The following MAN2C1 variants were observed in gnomAD, a reference collection of about 807,000 sequenced individuals.
MAN2C1 encodes mannosidase alpha class 2C member 1.
A neutral mutation model predicts 126.9 loss-of-function variants in MAN2C1; 111 were observed. The observed-to-expected ratio is 0.87, with a 90% CI of 0.75 to 1.02. The LOEUF (loss-of-function observed/expected upper bound fraction) is 1.02, where lower values mean the gene tolerates loss of function less well. Among genes scored for constraint, MAN2C1 ranks in the 50% least tolerant of loss-of-function variants. MAN2C1 has a pLI of 0.00. For synonymous variants in MAN2C1, 567 were observed against 561.5 expected, an observed-to-expected ratio of 1.01 and a Z score of -0.14; for missense variants, 1,363 against 1,364.4, an observed-to-expected ratio of 1.00 and a Z score of 0.02.
chr15:75,364,530 G>A lies in MAN2C1; in HGVS notation c.558C>T (p.His186=), dbSNP rs200173374. Residue 186 remains histidine (H), a synonymous_variant, in exon 5 of 26, where the codon CAC becomes CAT. Transcript: ENST00000267978. ...GCAGCTCCAGATCCACCAGGAGCAT[G>A]TGGACATCCCGGTGGAACACAGCTA... ...AELAVFHRDV[H]MLLVDLELLL... 1.0e-5 allele frequency: 16 copies of A among 1,606,204 alleles called. No individual in the cohort carries two copies. The highest frequency in any genetic ancestry group is 1.4e-5 in the Non-Finnish European group (16 of 1,176,230).
At position 75,356,831 on chromosome 15, in the gene MAN2C1, A is replaced by G. The variant is rs1413476365; in HGVS notation, c.2619T>C (p.Tyr873=). The change falls in exon 22 of 26, where the codon TAT becomes TAC. Residue 873 remains tyrosine, a synonymous_variant. Transcript: ENST00000267978. This position sits in a 1 kb window ranked among gnomAD's most constrained non-coding sequence, Gnocchi z 5.8. ...FGLALLNDCK[Y]GASVRGSILS... Reference sequence around the variant, plus strand: ...GGATGCTGCCTCGCACTGACGCGCCATACTTGCAGTCGTTGAGCAGGGCCA... The same window carrying G: ...GGATGCTGCCTCGCACTGACGCGCCGTACTTGCAGTCGTTGAGCAGGGCCA... The G allele has an allele frequency of 1.9e-6, 3 of 1,613,986 alleles. No individual in the cohort carries two copies. The highest frequency in any genetic ancestry group is 2.2e-5 in the East Asian group (1 of 44,896).
At position 75,368,155 on chromosome 15, in the gene MAN2C1, G is replaced by A. The variant is rs1468343318; in HGVS notation, c.145C>T (p.Leu49=). The A allele has an allele frequency of 6.2e-7, 1 of 1,604,570 alleles. No homozygotes were observed. Among genetic ancestry groups the A allele is most frequent in the Non-Finnish European group, 8.5e-7 (1 of 1,177,064 alleles). ...TGGTAGGGAAGTCTCTCCGGCGTCA[G>A]GAAGCTGGAGAGCACAGCCACAGGG... ...SCPVAVLSSF[L]TPERLPYQEA... is the part of the protein sequence containing the mutation. The change falls in exon 2 of 26, where the codon CTG becomes TTG. Residue 49 remains leucine, a synonymous_variant. Coordinates refer to ENST00000267978, the MANE Select transcript of MAN2C1 (RefSeq NM_006715.4).
In MAN2C1 at chr15:75,359,355, G is replaced by A. The variant is rs757203418; in HGVS notation, c.2019C>T (p.Pro673=). 6 of 1,600,248 alleles carry A rather than the reference G, an allele frequency of 3.7e-6. No individual in the cohort carries two copies. The highest frequency in any genetic ancestry group is 5.1e-6 in the Non-Finnish European group (6 of 1,173,208). The change falls in exon 17 of 26, where the codon CCC becomes CCT. Residue 673 remains proline (P), a synonymous_variant. Transcript: ENST00000267978. ...CTTGCACTACGAACACAGGCTGCTG[G>A]GGCAGCAGGGGCTGCAGTGAGGTGG... The part of the protein sequence containing the change: ...PPPTSLQPLL[P]QQPVFVVQET...
In MAN2C1 at chr15:75,360,263, C is replaced by T. The variant is rs117808494; in HGVS notation, c.1585-52G>A. The T allele has an allele frequency of 4.7e-5, 75 of 1,593,910 alleles. No homozygotes were observed. In the East Asian group the frequency reaches 1.3e-3, roughly 28 times the overall value. On this transcript the variant is annotated intron_variant, in intron 13 of 25. Coordinates refer to ENST00000267978, the MANE Select transcript of MAN2C1 (RefSeq NM_006715.4). ...TGGAGCCTGCTTAGCTGTCCCAGGACACCTTCCAAAGCCCTCCCTTGCTCA... is the reference window on the plus strand; with the variant it reads ...TGGAGCCTGCTTAGCTGTCCCAGGATACCTTCCAAAGCCCTCCCTTGCTCA...
rs572081986 is a variant in MAN2C1 at position 75,361,014 on chromosome 15, G to A, written c.1460+32C>T. On this transcript the variant is annotated intron_variant, in intron 12 of 25. Coordinates refer to ENST00000267978, the MANE Select transcript of MAN2C1 (RefSeq NM_006715.4). The surrounding 1 kb of genome is among the most constrained non-coding windows in gnomAD (Gnocchi z 5.0). ...AGGGCTCATGGCAAGGGCCCAGGGT[G>A]GGGCTAAAGGAGAGCCAAGGCCTGG... The A allele has an allele frequency of 6.3e-7, 1 of 1,592,424 alleles. No homozygotes were observed. The highest frequency in any genetic ancestry group is 1.3e-5 in the African/African-American group (1 of 74,756).
rs1387828208 is a variant in MAN2C1, at chr15:75,358,980, G to T, written c.2141+79C>A. The T allele has an allele frequency of 3.2e-6, 5 of 1,579,178 alleles. No homozygotes were observed. In the African/African-American group the frequency reaches 4.0e-5, roughly 13 times the overall value. ...AGCCACTGGTGGGCTGCTGTGGGCA[G>T]TGTTGTGGCAAGGGGAGAGAGGAAA... On this transcript the variant is annotated intron_variant, in intron 18 of 25. Transcript: ENST00000267978.
At chr15:75,367,683 A>G in intron 2 of MAN2C1, 49 bp from the exon 3 acceptor site, 1 of 1,606,316 alleles carries the variant, frequency 6.2e-7, no homozygotes, top group Non-Finnish European at 8.5e-7. Flanking sequence ...TCCTATCCTG[A>G]TATCCTTCCT....
In MAN2C1 at chr15:75,367,567, G is replaced by A; in HGVS notation, c.295C>T (p.Leu99Phe). 2 of 1,614,176 alleles carry A rather than the reference G, an allele frequency of 1.2e-6. No homozygotes were observed. Among genetic ancestry groups the A allele is most frequent in the Middle Eastern group, 1.6e-4 (1 of 6,062 alleles). ...CCTTCTCCATCACTTTCCCAGCAAA[G>A]GTGAACTTCCTGGCCCACCCATGCC... Reference protein sequence around the residue: ...PEAWVGQEVHLCWESDGEGLV... With the variant: ...PEAWVGQEVHFCWESDGEGLV... The change falls in exon 3 of 26, where the codon CTT becomes TTT. Residue 99 changes from leucine (L) to phenylalanine (F), a missense_variant. This residue lies in a region of MAN2C1 where 628 missense variants were observed against 609.8 expected (regional missense o/e 1.03). Transcript: ENST00000267978.
intron 1 of MAN2C1, 141 bp downstream of exon 1, chr15:75,368,342 C>G: frequency 2.1e-6 from 3 of 1,401,656 alleles, no homozygotes; most frequent in Non-Finnish European, 2.9e-6. Flanking sequence ...ATTCCCTACC[C>G]CCTCCTCCCC....
chr15:75,358,016 A>G, intron 21 of MAN2C1, 185 bp downstream of exon 21: 1 of 710,312 alleles, frequency 1.4e-6, no homozygotes, highest in Non-Finnish European at 2.3e-6. Context: ...CGGCCTCCCA[A>G]AGTGCTGGAA....
chr15:75,356,096 A>C lies in MAN2C1; in HGVS notation c.2996+14T>G, dbSNP rs1443174204. On this transcript the variant is annotated intron_variant, in intron 25 of 25. Coordinates refer to ENST00000267978, the MANE Select transcript of MAN2C1 (RefSeq NM_006715.4). The surrounding 1 kb of genome is among the most constrained non-coding windows in gnomAD (Gnocchi z 5.8). ...GAGACTCGACCCCCGCCCCAATCCC[A>C]CACCGCCACTCACAGGATGGCCTCC... The C allele has an allele frequency of 1.9e-6, 3 of 1,613,664 alleles. No homozygotes were observed. The Middle Eastern group carries it at 4.9e-4, about 266-fold the overall frequency.
chr15:75,356,515 G>A lies in MAN2C1; in HGVS notation c.2738-66C>T. On this transcript the variant is annotated intron_variant, in intron 23 of 25. Coordinates refer to ENST00000267978, the MANE Select transcript of MAN2C1 (RefSeq NM_006715.4). The surrounding 1 kb of genome is among the most constrained non-coding windows in gnomAD (Gnocchi z 5.8). Reference sequence around the variant, plus strand: ...GCTACCCTCCCCTGTCCCTAGAAGGGGCAGGAAGCCAGGTTGCTGGGGTTT... The same window carrying A: ...GCTACCCTCCCCTGTCCCTAGAAGGAGCAGGAAGCCAGGTTGCTGGGGTTT... 3 of 1,558,874 alleles carry A rather than the reference G, an allele frequency of 1.9e-6. No individual in the cohort carries two copies. Among genetic ancestry groups the A allele is most frequent in the East Asian group, 4.6e-5 (2 of 43,282 alleles).
At chr15:75,357,099 T>A in intron 21 of MAN2C1, 197 bp from the exon 22 acceptor site, 1 of 594,386 alleles carries the variant, frequency 1.7e-6, no homozygotes, top group South Asian at 2.0e-5. Context: ...CGGGAATAAA[T>A]AATAGTACTC....
chr15:75,358,212 C>A lies in MAN2C1; in HGVS notation c.2536G>T (p.Ala846Ser), dbSNP rs1362705355. The change falls in exon 21 of 26, where the codon GCT (alanine) becomes TCT (serine). Residue 846 changes from alanine to serine, a missense_variant. Ala to Ser is a moderately conservative substitution (Grantham distance 99). Transcript: ENST00000267978. ...PTHYNTSWDWARFEVWAHRWM... is the reference protein window; with the variant it reads ...PTHYNTSWDWSRFEVWAHRWM... ...CTGCCATGTCAGACCTCAAATCGAGCCCAGTCCCAAGAGGTATTGTAGTGG... is the reference window on the plus strand; with the variant it reads ...CTGCCATGTCAGACCTCAAATCGAGACCAGTCCCAAGAGGTATTGTAGTGG... 2 of 1,614,146 alleles carry A rather than the reference C, an allele frequency of 1.2e-6. No individual in the cohort carries two copies. Among genetic ancestry groups the A allele is most frequent in the Non-Finnish European group, 1.7e-6 (2 of 1,180,032 alleles).
chr15:75,358,834 T>A (rs750043114), intron 18 of MAN2C1, 26 bp from the exon 19 acceptor site: 20 of 1,577,352 alleles, frequency 1.3e-5, no homozygotes, highest in Non-Finnish European at 1.7e-6. Flanking sequence ...ATTGGTGCTG[T>A]ACAACCAACT....
In MAN2C1 at chr15:75,366,606, G is replaced by C. The variant is rs780504268; in HGVS notation, c.352-14C>G. 2.5e-6 allele frequency: 4 copies of C among 1,597,384 alleles called. No individual in the cohort carries two copies. In the African/African-American group the frequency reaches 4.0e-5, roughly 16 times the overall value. ...TTTGGTTAAACCCTAGTAGGGAGGG[G>C]AGTGAGAGAGACAAGGCTTGAGGCT... On this transcript the variant is annotated splice_polypyrimidine_tract_variant and intron_variant, in intron 3 of 25. Transcript: ENST00000267978.
chr15:75,364,677 G>C lies in MAN2C1; in HGVS notation c.423-12C>G, dbSNP rs2072541869. On this transcript the variant is annotated splice_polypyrimidine_tract_variant and intron_variant, in intron 4 of 25. Coordinates refer to ENST00000267978, the MANE Select transcript of MAN2C1 (RefSeq NM_006715.4). ...CATAGAGAGTGAGGCTACAAAGATG[G>C]GGAGACAGCCTCAGGCTAAGGGACT... is the stretch of plus-strand genomic sequence containing the variant. 1 of 1,601,436 alleles carries C rather than the reference G, an allele frequency of 6.2e-7. No homozygotes were observed. Among genetic ancestry groups the C allele is most frequent in the South Asian group, 1.1e-5 (1 of 89,130 alleles).
In MAN2C1 at chr15:75,368,214, CG is replaced by C; in HGVS notation, c.102-17del. The C allele has an allele frequency of 6.3e-7, 1 of 1,595,220 alleles. No individual in the cohort carries two copies. Among genetic ancestry groups the C allele is most frequent in the Non-Finnish European group, 8.5e-7 (1 of 1,174,226 alleles). On this transcript the variant is annotated splice_polypyrimidine_tract_variant and intron_variant, in intron 1 of 25. Coordinates refer to ENST00000267978, the MANE Select transcript of MAN2C1 (RefSeq NM_006715.4). ...CCCAAAAAGCCTGCGTGGGACGGGC[CG>C]GTGGGCACATGCTGGAGGCCGCCCC... is the stretch of plus-strand genomic sequence containing the variant.
chr15:75,364,468 G>A lies in MAN2C1; in HGVS notation c.600+20C>T, dbSNP rs747510764. 2 of 1,560,136 alleles carry A rather than the reference G, an allele frequency of 1.3e-6. No homozygotes were observed. Among genetic ancestry groups the A allele is most frequent in the African/African-American group, 1.4e-5 (1 of 73,624 alleles). ...GCAGGGCTCTAGAGGGTAGCAGGGG[G>A]TACAGGGGGTGTCAAGTACCTTGGC... On this transcript the variant is annotated intron_variant, in intron 5 of 25. Coordinates refer to ENST00000267978, the MANE Select transcript of MAN2C1 (RefSeq NM_006715.4).
Sources: gnomAD v4.1 joint callset for allele counts on GRCh38, gnomAD v4.1.1 for gene constraint, gnomAD v4.1.1 regional missense constraint, Gnocchi (gnomAD v3.1) non-coding constraint, MANE v1.5 for transcripts, NCBI Gene and HGNC (gene_info 2026-07-23, HGNC 2026-07-21) for gene names.